Variants in ADAMTS12 observed in about 807,000 individuals in gnomAD.
The protein encoded by ADAMTS12 is A disintegrin and metalloproteinase with thrombospondin motifs 12.
Under a neutral mutation model 167.8 loss-of-function variants are expected in ADAMTS12, and 118 were observed. The observed-to-expected ratio is 0.70, with a 90% CI of 0.61 to 0.82. ADAMTS12 has a LOEUF of 0.82. ADAMTS12 is among the 40% of genes least tolerant of loss of function. The pLI is 0.00. For missense variants in ADAMTS12, 1,916 were observed against 1,998.8 expected (o/e 0.96, Z 0.79); for synonymous variants, 704 against 716.9 (o/e 0.98, Z 0.29).
At chr5:33,730,330 GTGTT>G (rs1744151746) in intron 3 of ADAMTS12, among the ~76,000 whole-genome samples, 2 of 148,622 alleles carry the variant, frequency 1.3e-5, no homozygotes, top group African/African-American at 2.5e-5. Context: ...GTCTGTGTGT[GTGTT>G]TCTGTGTGTA....
chr5:33,555,197 A>G (rs1745433384), intron 20 of ADAMTS12, among the ~76,000 whole-genome samples: 1 of 152,126 alleles, frequency 6.6e-6, no homozygotes, highest in Admixed American at 6.6e-5. Context: ...TTTCAAGCTC[A>G]TTATTATCTC....
chr5:33,848,889 T>A (rs993964335), intron 2 of ADAMTS12, among the ~76,000 whole-genome samples: 14 of 152,012 alleles, frequency 9.2e-5, no homozygotes, highest in African/African-American at 3.4e-4. Flanking sequence ...CTTTAATGTG[T>A]ATATATTATA....
At chr5:33,764,922 A>G (rs1259697825) in intron 2 of ADAMTS12, among the ~76,000 whole-genome samples, 1 of 148,384 alleles carries the variant, frequency 6.7e-6, no homozygotes, top group Non-Finnish European at 1.5e-5. Flanking sequence ...GATGCCTACA[A>G]ACAGTTTAAA....
intron 3 of ADAMTS12, among the ~76,000 whole-genome samples, chr5:33,726,679 G>A (rs899419437): frequency 6.6e-6 from 1 of 152,174 alleles, no homozygotes; most frequent in African/African-American, 2.4e-5. Context: ...AATAGGCCGA[G>A]ATTCAGCTAT....
In ADAMTS12 at chr5:33,837,891, G is replaced by A. The variant is rs117394786; in HGVS notation, c.489+43228C>T. On this transcript the variant is annotated intron_variant, in intron 2 of 23. Coordinates refer to ENST00000504830, the MANE Select transcript of ADAMTS12 (RefSeq NM_030955.4). ...TGAGCAAGCCTGCCTTTCTGAAAAC[G>A]TACTGTCAAAAAATTAGAAGTAGAC... Among the ~76,000 whole-genome samples the A allele has an allele frequency of 6.6e-4, 101 of 152,242 alleles. 2 individuals carry two copies. In the East Asian group the frequency reaches 0.017, roughly 26 times the overall value.
At chr5:33,583,054 T>G (rs1165909556) in intron 18 of ADAMTS12, among the ~76,000 whole-genome samples, 1 of 151,718 alleles carries the variant, frequency 6.6e-6, no homozygotes, top group African/African-American at 2.4e-5. Flanking sequence ...TATAGTCACC[T>G]CATTGTACTA....
At chr5:33,670,550 T>C (rs999449588) in intron 5 of ADAMTS12, among the ~76,000 whole-genome samples, 4 of 152,316 alleles carry the variant, frequency 2.6e-5, no homozygotes, top group African/African-American at 9.6e-5. Context: ...GAGACCAGCC[T>C]GGCCAACATG....
chr5:33,540,080 T>C (rs1222857853), intron 22 of ADAMTS12, among the ~76,000 whole-genome samples: 1 of 152,214 alleles, frequency 6.6e-6, no homozygotes, highest in Non-Finnish European at 1.5e-5. Context: ...AGACTGTACC[T>C]GGAAAAATGG....
chr5:33,560,601 A>G (rs1745693095), intron 20 of ADAMTS12, among the ~76,000 whole-genome samples: 1 of 152,122 alleles, frequency 6.6e-6, no homozygotes, highest in Admixed American at 6.5e-5. Context: ...ATAAAAAATG[A>G]TAAGTGCATG....
intron 5 of ADAMTS12, among the ~76,000 whole-genome samples, chr5:33,666,737 T>C (rs1741485528): frequency 6.6e-6 from 1 of 152,126 alleles, no homozygotes; most frequent in African/African-American, 2.4e-5. Context: ...GTGATCTGCC[T>C]GCCTCAGCCT....
At chr5:33,825,515 A>C (rs955563037) in intron 2 of ADAMTS12, among the ~76,000 whole-genome samples, 1 of 152,206 alleles carries the variant, frequency 6.6e-6, no homozygotes, top group African/African-American at 2.4e-5. Context: ...AAATTTGTAC[A>C]TTCAGGATTT....
At chr5:33,605,448 G>T (rs1738386177) in intron 16 of ADAMTS12, among the ~76,000 whole-genome samples, 1 of 151,804 alleles carries the variant, frequency 6.6e-6, no homozygotes, top group South Asian at 2.1e-4. Flanking sequence ...AAAAATGGAA[G>T]AAACAAGAAT....
At chr5:33,883,500 C>A (rs1208759031) in intron 1 of ADAMTS12, among the ~76,000 whole-genome samples, 1 of 152,062 alleles carries the variant, frequency 6.6e-6, no homozygotes, top group African/African-American at 2.4e-5. Context: ...TTACTTCCTA[C>A]TGCAGCAGCT....
intron 2 of ADAMTS12, among the ~76,000 whole-genome samples, chr5:33,802,930 T>C (rs1047522655): frequency 3.3e-5 from 5 of 152,146 alleles, no homozygotes; most frequent in Admixed American, 3.3e-4. Flanking sequence ...GAACTCTACA[T>C]GCCAGACAAT....
At chr5:33,834,545 G>T (rs1317200662) in intron 2 of ADAMTS12, among the ~76,000 whole-genome samples, 1 of 152,158 alleles carries the variant, frequency 6.6e-6, no homozygotes, top group Non-Finnish European at 1.5e-5. Context: ...AGGAACCCAT[G>T]ACCCTCTATG....
intron 2 of ADAMTS12, among the ~76,000 whole-genome samples, chr5:33,857,815 A>G (rs1382588114): frequency 6.6e-6 from 1 of 152,252 alleles, no homozygotes; most frequent in African/African-American, 2.4e-5. Flanking sequence ...AGTGTATAGC[A>G]ATCCCAAATG....
chr5:33,629,109 T>TG (rs1161258194), intron 13 of ADAMTS12, among the ~76,000 whole-genome samples: 3 of 152,180 alleles, frequency 2.0e-5, no homozygotes, highest in Non-Finnish European at 1.5e-5. Context: ...AAATCTCCCC[T>TG]GGTGATTATT....
At chr5:33,598,875 A>G (rs1041353876) in intron 16 of ADAMTS12, among the ~76,000 whole-genome samples, 25 of 152,198 alleles carry the variant, frequency 1.6e-4, no homozygotes, top group Admixed American at 1.4e-3. Context: ...TGCAGAAGTG[A>G]TGCTGTGTGA....
chr5:33,600,905 G>A (rs1363819068), intron 16 of ADAMTS12, among the ~76,000 whole-genome samples: 2 of 152,108 alleles, frequency 1.3e-5, no homozygotes, highest in Non-Finnish European at 2.9e-5. Flanking sequence ...TTGTTTATCC[G>A]TCCGTCTCTC....
Sources: allele counts gnomAD v4.1 joint callset (sites outside exome capture counted in the v4.1 genomes callset), GRCh38; gene constraint gnomAD v4.1.1; transcripts MANE v1.5; gene names NCBI Gene and HGNC (gene_info 2026-07-23, HGNC 2026-07-21).